DROSHA: variants seen among roughly 807,000 people sequenced by gnomAD.
DROSHA encodes drosha ribonuclease III.
In DROSHA, 56 loss-of-function variants were observed where a neutral mutation model predicts 181.9. The ratio of observed to expected loss-of-function variants is 0.31; its 90% CI spans 0.25 to 0.38. The LOEUF is 0.38. Ranked by LOEUF, DROSHA falls within the 10% of genes least tolerant of loss-of-function variation. The pLI, the probability that DROSHA is intolerant of heterozygous loss-of-function variation, is 1.00. For synonymous variants in DROSHA, 524 were observed against 591.2 expected (o/e 0.89, Z 1.65); for missense variants, 1,218 against 1,743.5 (o/e 0.70, Z 5.37).
chr5:31,408,935 A>C, intron 33 of DROSHA, 121 bp downstream of exon 33: 1 of 868,322 alleles, frequency 1.2e-6, no homozygotes, highest in Non-Finnish European at 1.8e-6. Context: ...AACAGCCAAG[A>C]AGTCTCAATC....
At chr5:31,529,418 C>T (rs1376413018) in intron 3 of DROSHA, among the ~76,000 whole-genome samples, 1 of 152,124 alleles carries the variant, frequency 6.6e-6, no homozygotes, top group African/African-American at 2.4e-5. Context: ...CCCCTTCATA[C>T]TCTCGTTTCC....
intron 10 of DROSHA, among the ~76,000 whole-genome samples, chr5:31,506,307 G>A (rs1278675338): frequency 6.6e-6 from 1 of 151,032 alleles, no homozygotes; most frequent in Admixed American, 6.6e-5. Context: ...AGCTTGCAGC[G>A]AGCTGAGATT....
intron 5 of DROSHA, among the ~76,000 whole-genome samples, chr5:31,521,466 A>G (rs1739891432): frequency 1.3e-5 from 2 of 152,234 alleles, no homozygotes; most frequent in African/African-American, 4.8e-5. Flanking sequence ...ATGCTACGCA[A>G]TAATGGGAAT....
chr5:31,530,125 C>CCTA (rs1741097932), intron 3 of DROSHA, among the ~76,000 whole-genome samples: 1 of 151,910 alleles, frequency 6.6e-6, no homozygotes, highest in Non-Finnish European at 1.5e-5. Context: ...CAAATAATAT[C>CCTA]TGATTTTTTT....
chr5:31,412,414 T>C (rs993596938), intron 30 of DROSHA, among the ~76,000 whole-genome samples: 2 of 152,216 alleles, frequency 1.3e-5, no homozygotes, highest in African/African-American at 4.8e-5. Context: ...TCCCTGCTGT[T>C]CCATGTTGCA....
intron 26 of DROSHA, among the ~76,000 whole-genome samples, chr5:31,431,149 G>T (rs925110051): frequency 6.6e-6 from 1 of 152,108 alleles, no homozygotes; most frequent in African/African-American, 2.4e-5. Flanking sequence ...AAAAGATGTG[G>T]TGTTCTCAAG....
chr5:31,432,974 C>T (rs1744351120), intron 25 of DROSHA, among the ~76,000 whole-genome samples: 1 of 152,238 alleles, frequency 6.6e-6, no homozygotes, highest in African/African-American at 2.4e-5. Context: ...ACAAACATTG[C>T]ATAAATATGC....
At position 31,425,320 on chromosome 5, in the gene DROSHA, A is replaced by T. The variant is rs72751582; in HGVS notation, c.3217-849T>A. Among the ~76,000 whole-genome samples, 1,358 of 152,324 alleles carry T rather than the reference A, an allele frequency of 8.9e-3. 8 individuals are homozygous for T. Among genetic ancestry groups the T allele is most frequent in the Non-Finnish European group, 0.015 (1,012 of 68,022 alleles). On this transcript the variant is annotated intron_variant, in intron 27 of 35. Coordinates refer to ENST00000344624, the MANE Select transcript of DROSHA (RefSeq NM_001382508.1). ...TCTTGCACAACTGATATCTTAATAA[A>T]ATACACTCAGGGTTTTTTAAATAAT... is the stretch of plus-strand genomic sequence containing the variant.
chr5:31,426,443 C>T (rs111423028), intron 27 of DROSHA, among the ~76,000 whole-genome samples: 1 of 152,150 alleles, frequency 6.6e-6, no homozygotes, highest in Non-Finnish European at 1.5e-5. Context: ...AATAAGTGCA[C>T]TTTAATACAT....
intron 16 of DROSHA, among the ~76,000 whole-genome samples, chr5:31,472,543 G>A (rs1242583971): frequency 6.6e-6 from 1 of 152,208 alleles, no homozygotes; most frequent in East Asian, 1.9e-4. Context: ...AAGCCACCTA[G>A]CATAAATAAC....
chr5:31,421,928 GTGTGTA>G (rs2149995886), intron 29 of DROSHA: 1 of 101,256 alleles, frequency 9.9e-6, no homozygotes, highest in East Asian at 3.1e-4. Flanking sequence ...GTGTGTGTGT[GTGTGTA>G]TATAAATTAG....
At chr5:31,517,821 T>C (rs1739431733) in intron 6 of DROSHA, among the ~76,000 whole-genome samples, 1 of 152,150 alleles carries the variant, frequency 6.6e-6, no homozygotes, top group Admixed American at 6.5e-5. Context: ...TCCTAGCACT[T>C]TGGGAGGCCG....
chr5:31,488,110 T>C (rs543462640), intron 13 of DROSHA, among the ~76,000 whole-genome samples: 31 of 152,066 alleles, frequency 2.0e-4, no homozygotes, highest in East Asian at 7.7e-4. Flanking sequence ...AGGTAACATA[T>C]GAGTTGTCTT....
At chr5:31,435,635 C>T (rs1403239905) in intron 25 of DROSHA, 130 bp downstream of exon 25, 3 of 800,144 alleles carry the variant, frequency 3.7e-6, no homozygotes, top group Non-Finnish European at 5.8e-6. Context: ...ACAAAAAATA[C>T]TTCCTGGTCT....
At chr5:31,478,106 T>C in intron 16 of DROSHA, among the ~76,000 whole-genome samples, 1 of 152,100 alleles carries the variant, frequency 6.6e-6, no homozygotes, top group Non-Finnish European at 1.5e-5. Context: ...GAGAAAACCA[T>C]AAAATACCTG....
Position 31,495,342 on chromosome 5 carries a change from T to C in DROSHA, c.1699A>G (p.Asn567Asp). 1 of 1,613,880 alleles carries C rather than the reference T, an allele frequency of 6.2e-7. No individual in the cohort carries two copies. The highest frequency in any genetic ancestry group is 1.3e-5 in the African/African-American group (1 of 75,028). The change falls in exon 12 of 36, where the codon AAT (asparagine) becomes GAT (aspartate). Residue 567 changes from asparagine (N) to aspartate (D), a missense_variant. Around this residue, in one of 8 missense-constraint regions of DROSHA, gnomAD observed 460 missense variants for 774.2 expected, o/e 0.59. Transcript: ENST00000344624. ...CGGTAGTGGAAAAGTCTGCCAGCAT[T>C]GTTGGTCATAGGACGACAGGGCTTG... ...AIKPCRPMTN[N>D]AGRLFHYRIT...
chr5:31,493,367 C>T, intron 12 of DROSHA, 74 bp from the exon 13 acceptor site: 2 of 1,333,190 alleles, frequency 1.5e-6, no homozygotes, highest in South Asian at 1.4e-5. Context: ...TCCATCAGGA[C>T]AGAAAGTAAC....
chr5:31,466,118 C>T, intron 19 of DROSHA, 64 bp downstream of exon 19: 3 of 1,523,744 alleles, frequency 2.0e-6, no homozygotes, highest in Non-Finnish European at 2.7e-6. Context: ...TGTGATACAA[C>T]AATCACGAAA....
chr5:31,476,919 G>T (rs1288741047), intron 16 of DROSHA, among the ~76,000 whole-genome samples: 1 of 152,186 alleles, frequency 6.6e-6, no homozygotes, highest in African/African-American at 2.4e-5. Flanking sequence ...TGGCTCTTTT[G>T]GTTTGTCTGC....
Sources: allele counts gnomAD v4.1 joint callset (sites outside exome capture counted in the v4.1 genomes callset), GRCh38; gene constraint gnomAD v4.1.1; regional missense constraint gnomAD v4.1.1; transcripts MANE v1.5; gene names NCBI Gene and HGNC (gene_info 2026-07-23, HGNC 2026-07-21).